Variants in RAP1GAP2 observed in about 807,000 individuals in gnomAD.
The protein encoded by RAP1GAP2 is RAP1 GTPase activating protein 2, also known as rap1 GTPase-activating protein 2.
Under a neutral mutation model 95.0 loss-of-function variants are expected in RAP1GAP2, and 27 were observed. The ratio of observed to expected loss-of-function variants is 0.28; its 90% CI spans 0.21 to 0.39. RAP1GAP2 has a LOEUF of 0.39. RAP1GAP2 is among the 10% of genes least tolerant of loss of function. RAP1GAP2 has a pLI of 1.00. For synonymous variants in RAP1GAP2, 373 were observed against 380.9 expected (o/e 0.98, Z 0.24); for missense variants, 771 against 970.0 (o/e 0.79, Z 2.72).
chr17:3,025,898 C>G (rs2047095242), intron 19 of RAP1GAP2, 110 bp from the exon 20 acceptor site: 1 of 779,588 alleles, frequency 1.3e-6, no homozygotes, highest in Non-Finnish European at 2.1e-6. Context: ...CGGGGGCGCT[C>G]TGACCCCACT....
At chr17:2,897,843 C>T (rs1017291258) in intron 2 of RAP1GAP2, among the ~76,000 whole-genome samples, 4 of 152,006 alleles carry the variant, frequency 2.6e-5, no homozygotes, top group African/African-American at 7.2e-5. Flanking sequence ...CTTTCTCCCA[C>T]GGCTGCTGCT....
intron 3 of RAP1GAP2, among the ~76,000 whole-genome samples, chr17:2,911,175 C>T (rs1036979553): frequency 3.9e-5 from 6 of 152,138 alleles, no homozygotes; most frequent in Admixed American, 2.0e-4. Flanking sequence ...GCGCTCCCCC[C>T]GGGCCCCCAC....
At chr17:2,828,815 A>C (rs1241439791) in intron 2 of RAP1GAP2, among the ~76,000 whole-genome samples, 1 of 151,860 alleles carries the variant, frequency 6.6e-6, no homozygotes, top group African/African-American at 2.4e-5. Context: ...TCTTGCTTTC[A>C]GTGTTTCTTT....
At chr17:2,989,891 C>T (rs1293544806) in intron 11 of RAP1GAP2, among the ~76,000 whole-genome samples, 1 of 152,166 alleles carries the variant, frequency 6.6e-6, no homozygotes. Context: ...CACCAGCAGG[C>T]ACTCCCCATC....
rs557844331 is a variant in RAP1GAP2 at position 3,009,512 on chromosome 17, AT to A, written c.1494+1369del. On this transcript the variant is annotated intron_variant, in intron 17 of 24. Transcript: ENST00000254695. The stretch of plus-strand genomic sequence containing the variant: ...GTGGAGTTGAATCCAGGTCCGCCGG[AT>A]TCCAAATCCGACACCACCTCCCACT... 2.6e-5 allele frequency among the ~76,000 whole-genome samples: 4 copies of A among 152,330 alleles called. No homozygotes were observed. The South Asian group carries it at 6.2e-4, about 24-fold the overall frequency.
intron 11 of RAP1GAP2, among the ~76,000 whole-genome samples, chr17:2,990,087 G>A (rs1185238709): frequency 3.9e-5 from 6 of 152,152 alleles, no homozygotes; most frequent in Non-Finnish European, 8.8e-5. Context: ...CTTGTTCATG[G>A]CCAAATAATA....
In RAP1GAP2 at chr17:2,827,017, GGAGAGAAAGAAAGAAAGAGA is replaced by G. The variant is rs375824485; in HGVS notation, c.80+26488_80+26507del. 0.02 allele frequency among the ~76,000 whole-genome samples: 3,008 copies of G among 152,004 alleles called. 74 individuals carry two copies. The highest frequency in any genetic ancestry group is 0.069 in the African/African-American group (2,861 of 41,438). ...GAGACTCCGTTTCGAGAGAGAGAGA[GGAGAGAAAGAAAGAAAGAGA>G]GAGAGAAAGAAAGAAAGAGAAAGTC... On this transcript the variant is annotated intron_variant, in intron 2 of 24. Transcript: ENST00000254695. The surrounding 1 kb of genome is among the most constrained non-coding windows in gnomAD (Gnocchi z 4.1).
At chr17:2,921,328 G>C (rs559621049) in intron 3 of RAP1GAP2, among the ~76,000 whole-genome samples, 1 of 152,044 alleles carries the variant, frequency 6.6e-6, no homozygotes, top group South Asian at 2.1e-4. Flanking sequence ...AGCCTCCCAA[G>C]TAGCTTGGGA....
intron 3 of RAP1GAP2, among the ~76,000 whole-genome samples, chr17:2,956,730 C>T (rs9912533): frequency 3.3e-5 from 5 of 152,092 alleles, no homozygotes; most frequent in South Asian, 2.1e-4. Flanking sequence ...CAGCCCCTCA[C>T]GCTTCCATTC....
chr17:2,927,092 G>C (rs985046834), intron 3 of RAP1GAP2, among the ~76,000 whole-genome samples: 8 of 150,810 alleles, frequency 5.3e-5, no homozygotes, highest in Non-Finnish European at 1.0e-4. Context: ...TGTCTTGTCA[G>C]CTCCTAGAAG....
rs1409231101 is a variant in RAP1GAP2, at chr17:2,755,728, G to A, written c.11G>A (p.Arg4His). 8.0e-5 allele frequency: 27 copies of A among 339,016 alleles called. No individual in the cohort carries two copies. The East Asian group carries it at 1.1e-3, about 14-fold the overall frequency. The allele number at this position is 339,016 out of a possible 1,614,324, so 21.0% of individuals were successfully genotyped here. ...GCGGCCGGGCGAGGCATGGCGGGCCGCCGGGCGCCGGGGGAGAAGCGCTGG... is the reference window on the plus strand; with the variant it reads ...GCGGCCGGGCGAGGCATGGCGGGCCACCGGGCGCCGGGGGAGAAGCGCTGG... The change falls in exon 1 of 26, where the codon CGC becomes CAC. Residue 4 changes from arginine (R) to histidine (H), a missense_variant. Arg to His is a conservative substitution (Grantham distance 29). Coordinates refer to the RAP1GAP2 transcript ENST00000637138.
intron 19 of RAP1GAP2, among the ~76,000 whole-genome samples, chr17:3,022,022 A>G (rs2046979454): frequency 6.6e-6 from 1 of 152,198 alleles, no homozygotes; most frequent in African/African-American, 2.4e-5. Context: ...TTGCTAGATC[A>G]TATGGTAGCT....
chr17:3,019,357 G>A (rs1223980064), intron 18 of RAP1GAP2, among the ~76,000 whole-genome samples: 1 of 152,142 alleles, frequency 6.6e-6, no homozygotes, highest in East Asian at 1.9e-4. Flanking sequence ...ACAAAAAAAT[G>A]CAAAAATTAG....
Position 2,981,234 on chromosome 17 carries a change from G to C in RAP1GAP2, c.715G>C (p.Val239Leu), listed in dbSNP as rs2045345315. The C allele has an allele frequency of 1.2e-6, 2 of 1,611,844 alleles. No homozygotes were observed. Among genetic ancestry groups the C allele is most frequent in the Non-Finnish European group, 1.7e-6 (2 of 1,178,980 alleles). The change falls in exon 10 of 25, where the codon GTC (valine) becomes CTC (leucine). Residue 239 changes from valine (V) to leucine (L), a missense_variant. Coordinates refer to ENST00000254695, the MANE Select transcript of RAP1GAP2 (RefSeq NM_015085.5). ...DDAVGLRFNP[V>L]LYPKASQMIV... is the part of the protein sequence containing the mutation. ...TGCAGTGGGACTGAGATTCAATCCTGTCCTGTACCCCAAGGTAAGGACCTT... is the reference window on the plus strand; with the variant it reads ...TGCAGTGGGACTGAGATTCAATCCTCTCCTGTACCCCAAGGTAAGGACCTT...
chr17:3,027,697 C>G lies in RAP1GAP2; in HGVS notation c.2107+627C>G, dbSNP rs1251659661. ...TGAAGGTTCTTAAGTAGGGAAGCAC[C>G]ATCTGGAGTTGAGAAAGTCCATTTT... is the stretch of plus-strand genomic sequence containing the variant. On this transcript the variant is annotated intron_variant, in intron 22 of 24. Transcript: ENST00000254695. The surrounding 1 kb of genome is among the most constrained non-coding windows in gnomAD (Gnocchi z 5.2). Among the ~76,000 whole-genome samples the G allele has an allele frequency of 1.3e-5, 2 of 148,652 alleles. No individual in the cohort carries two copies. The highest frequency in any genetic ancestry group is 5.0e-5 in the African/African-American group (2 of 40,380).
intron 3 of RAP1GAP2, among the ~76,000 whole-genome samples, chr17:2,953,442 G>A (rs2043987488): frequency 6.6e-6 from 1 of 152,184 alleles, no homozygotes; most frequent in African/African-American, 2.4e-5. Flanking sequence ...ATCTTGGAGA[G>A]TGTCATATGT....
At chr17:2,889,871 A>ATG (rs2073632852) in intron 2 of RAP1GAP2, among the ~76,000 whole-genome samples, 2 of 72,220 alleles carry the variant, frequency 2.8e-5, no homozygotes, top group African/African-American at 1.2e-4. Flanking sequence ...GTGTATATAT[A>ATG]TATATATATA....
intron 10 of RAP1GAP2, among the ~76,000 whole-genome samples, chr17:2,983,042 C>T (rs1360443244): frequency 3.3e-5 from 5 of 152,186 alleles, no homozygotes; most frequent in South Asian, 2.1e-4. Context: ...GCTCCAGGGT[C>T]GGGCAGCAGC....
intron 1 of RAP1GAP2, among the ~76,000 whole-genome samples, chr17:2,778,022 CT>C: frequency 1.2e-5 from 1 of 86,874 alleles, no homozygotes; most frequent in African/African-American, 4.5e-5. Context: ...GGCGGGGAGG[CT>C]GGGAGGCTGG....
Sources: allele counts gnomAD v4.1 joint callset (sites outside exome capture counted in the v4.1 genomes callset), GRCh38; gene constraint gnomAD v4.1.1; non-coding constraint Gnocchi (gnomAD v3.1); transcripts MANE v1.5; gene names NCBI Gene and HGNC (gene_info 2026-07-23, HGNC 2026-07-21).